Variants in TEK observed in about 807,000 individuals in gnomAD.
The protein encoded by TEK is TEK receptor tyrosine kinase.
Under a neutral mutation model 131.8 loss-of-function variants are expected in TEK, and 43 were observed. The observed-to-expected ratio is 0.33, with a 90% CI of 0.26 to 0.42. TEK has a LOEUF of 0.42. Among genes scored for constraint, TEK ranks in the 10% least tolerant of loss-of-function variants. The probability of loss-of-function intolerance (pLI) is 1.00; values close to 1 mark genes in which losing one functional copy is unlikely to be tolerated. For missense variants in TEK, 1,162 were observed against 1,384.4 expected, an observed-to-expected ratio of 0.84 and a Z score of 2.55; for synonymous variants, 580 against 491.6, an observed-to-expected ratio of 1.18 and a Z score of -2.38.
chr9:27,174,726 C>T (rs1055849526), intron 6 of TEK, among the ~76,000 whole-genome samples: 5 of 152,064 alleles, frequency 3.3e-5, no homozygotes, highest in Admixed American at 6.6e-5. Flanking sequence ...GTCTGCCCCC[C>T]GGAACATGCA....
intron 18 of TEK, among the ~76,000 whole-genome samples, chr9:27,215,860 A>C (rs1012147968): frequency 2.0e-5 from 3 of 152,158 alleles, no homozygotes; most frequent in African/African-American, 7.2e-5. Flanking sequence ...CACTGAACCA[A>C]GCTGAAAGGA....
At chr9:27,178,956 A>T (rs1311530343) in intron 6 of TEK, among the ~76,000 whole-genome samples, 1 of 152,176 alleles carries the variant, frequency 6.6e-6, no homozygotes, top group Non-Finnish European at 1.5e-5. Context: ...CTTTATATTT[A>T]TTCTGCTAAG....
At chr9:27,226,725 A>T (rs1826344784) in intron 21 of TEK, among the ~76,000 whole-genome samples, 1 of 152,182 alleles carries the variant, frequency 6.6e-6, no homozygotes, top group African/African-American at 2.4e-5. Flanking sequence ...AAGTATAATA[A>T]TAAAAAAATA....
chr9:27,109,997 G>T (rs563490208), intron 1 of TEK, among the ~76,000 whole-genome samples: 470 of 149,682 alleles, frequency 3.1e-3, no homozygotes, highest in Non-Finnish European at 5.7e-3. Context: ...AGAACAAACC[G>T]GTTTTACCTG....
intron 21 of TEK, among the ~76,000 whole-genome samples, chr9:27,226,719 A>C (rs916835130): frequency 2.0e-5 from 3 of 152,202 alleles, no homozygotes; most frequent in African/African-American, 7.2e-5. Flanking sequence ...AACTGAAAGT[A>C]TAATAATAAA....
chr9:27,194,806 T>C (rs758138360), intron 11 of TEK, among the ~76,000 whole-genome samples: 1 of 152,108 alleles, frequency 6.6e-6, no homozygotes, highest in Non-Finnish European at 1.5e-5. Context: ...TGCTGCTGTT[T>C]GCTTTTCATT....
chr9:27,112,686 A>T (rs1821393086), intron 1 of TEK, among the ~76,000 whole-genome samples: 1 of 152,140 alleles, frequency 6.6e-6, no homozygotes, highest in African/African-American at 2.4e-5. Context: ...TATCTGTGTG[A>T]TTGTATCACC....
intron 7 of TEK, among the ~76,000 whole-genome samples, chr9:27,183,214 G>A (rs148891022): frequency 2.1e-3 from 323 of 152,306 alleles, no homozygotes; most frequent in African/African-American, 7.4e-3. Flanking sequence ...ATGGCAAAGA[G>A]CGTGGACTCT....
chr9:27,138,457 G>T (rs535258585), intron 1 of TEK, among the ~76,000 whole-genome samples: 1 of 152,002 alleles, frequency 6.6e-6, no homozygotes, highest in Admixed American at 6.6e-5. Context: ...GCTAGACACA[G>T]AGCACTGATT....
At chr9:27,162,084 T>C (rs561960395) in intron 2 of TEK, among the ~76,000 whole-genome samples, 1 of 152,352 alleles carries the variant, frequency 6.6e-6, no homozygotes, top group Non-Finnish European at 1.5e-5. Context: ...AGGTTCTGTT[T>C]TTCTTGCTGA....
intron 1 of TEK, 148 bp downstream of exon 1, chr9:27,109,790 T>C (rs1203998542): frequency 2.5e-6 from 2 of 788,202 alleles, no homozygotes; most frequent in Admixed American, 2.2e-5. Context: ...CCAGTCAATA[T>C]GTGTGGAAGG....
At chr9:27,123,153 A>C (rs1396741436) in intron 1 of TEK, among the ~76,000 whole-genome samples, 1 of 150,776 alleles carries the variant, frequency 6.6e-6, no homozygotes, top group Admixed American at 6.6e-5. Context: ...ATTTTTAGTG[A>C]ATGGGCAGGG....
At chr9:27,127,082 C>T (rs1822016100) in intron 1 of TEK, among the ~76,000 whole-genome samples, 1 of 152,150 alleles carries the variant, frequency 6.6e-6, no homozygotes, top group Non-Finnish European at 1.5e-5. Context: ...CAGCTATCAA[C>T]CCATCATCTA....
chr9:27,142,650 A>G (rs1031582259), intron 1 of TEK, among the ~76,000 whole-genome samples: 6 of 152,258 alleles, frequency 3.9e-5, no homozygotes, highest in African/African-American at 1.4e-4. Flanking sequence ...TGGGATGATC[A>G]AAGTACTAAG....
chr9:27,225,269 C>G (rs1282420587), intron 21 of TEK, among the ~76,000 whole-genome samples: 1 of 152,140 alleles, frequency 6.6e-6, no homozygotes, highest in African/African-American at 2.4e-5. Flanking sequence ...CAAAAAAGAG[C>G]CTGCATAGCC....
At chr9:27,149,745 A>G (rs1350836553) in intron 1 of TEK, among the ~76,000 whole-genome samples, 1 of 152,170 alleles carries the variant, frequency 6.6e-6, no homozygotes, top group African/African-American at 2.4e-5. Context: ...GTCTTGGAAG[A>G]TAGATATGCT....
At chr9:27,219,088 A>G (rs759421140) in intron 20 of TEK, among the ~76,000 whole-genome samples, 3 of 152,182 alleles carry the variant, frequency 2.0e-5, no homozygotes, top group Non-Finnish European at 4.4e-5. Context: ...GTTAACTTCT[A>G]AAACTCTTAG....
chr9:27,159,343 C>G (rs1022829872), intron 2 of TEK, among the ~76,000 whole-genome samples: 20 of 152,190 alleles, frequency 1.3e-4, no homozygotes, highest in Non-Finnish European at 1.5e-4. Context: ...TGTACACTAT[C>G]ACTTCTGCTT....
At chr9:27,127,780 G>C (rs1822047192) in intron 1 of TEK, among the ~76,000 whole-genome samples, 1 of 152,154 alleles carries the variant, frequency 6.6e-6, no homozygotes, top group Non-Finnish European at 1.5e-5. Context: ...GTCTTCTTTT[G>C]AGAAGTGTCT....
Sources: gnomAD v4.1 joint callset for allele counts (sites outside exome capture counted in the v4.1 genomes callset) on GRCh38, gnomAD v4.1.1 for gene constraint, MANE v1.5 for transcripts, NCBI Gene and HGNC (gene_info 2026-07-23, HGNC 2026-07-21) for gene names.